Variants in CNTNAP2 observed in about 807,000 individuals in gnomAD.
CNTNAP2 encodes the protein contactin-associated protein-like 2.
CNTNAP2 carries 98 observed loss-of-function variants against 155.2 expected under a neutral mutation model. The observed-to-expected ratio is 0.63, with a 90% CI of 0.54 to 0.75. The LOEUF (loss-of-function observed/expected upper bound fraction) is 0.75, where lower values mean the gene tolerates loss of function less well. Among genes scored for constraint, CNTNAP2 ranks in the 30% least tolerant of loss-of-function variants. The probability of loss-of-function intolerance (pLI) is 0.00; values close to 1 mark genes in which losing one functional copy is unlikely to be tolerated. For synonymous variants in CNTNAP2, 651 were observed against 631.2 expected, an observed-to-expected ratio of 1.03 and a Z score of -0.47; for missense variants, 1,727 against 1,688.1, an observed-to-expected ratio of 1.02 and a Z score of -0.40.
chr7:147,095,773 C>A (rs1048086971), intron 4 of CNTNAP2, among the ~76,000 whole-genome samples: 17 of 152,038 alleles, frequency 1.1e-4, no homozygotes, highest in African/African-American at 4.1e-4. Context: ...AAACTGGATC[C>A]TGGTTTGCTT....
chr7:146,757,475 C>T (rs1802013230), intron 1 of CNTNAP2, among the ~76,000 whole-genome samples: 1 of 152,082 alleles, frequency 6.6e-6, no homozygotes, highest in South Asian at 2.1e-4. Context: ...AAGGAATAAG[C>T]TCACTTTTAA....
chr7:148,031,328 A>G (rs1802472868), intron 15 of CNTNAP2, among the ~76,000 whole-genome samples: 1 of 152,220 alleles, frequency 6.6e-6, no homozygotes, highest in African/African-American at 2.4e-5. Flanking sequence ...AGAAAAGAGA[A>G]GTCAAAGGCC....
chr7:146,398,826 T>C (rs1332569359), intron 1 of CNTNAP2, among the ~76,000 whole-genome samples: 1 of 152,022 alleles, frequency 6.6e-6, no homozygotes, highest in Non-Finnish European at 1.5e-5. Context: ...AGGGAGAGGC[T>C]GGAAATCAAT....
At chr7:146,928,422 T>G (rs1916947) in intron 3 of CNTNAP2, among the ~76,000 whole-genome samples, 35,746 of 152,204 alleles carry the variant, frequency 0.23, 5,379 homozygotes, top group Non-Finnish European at 0.32. Flanking sequence ...TATTTTATTT[T>G]AATGATAAAA....
At chr7:147,541,848 C>G (rs1203639260) in intron 11 of CNTNAP2, among the ~76,000 whole-genome samples, 4 of 152,140 alleles carry the variant, frequency 2.6e-5, no homozygotes. Context: ...ATGTGCCCCA[C>G]TTAATCATTA....
chr7:147,441,417 G>T (rs1797634161), intron 10 of CNTNAP2, among the ~76,000 whole-genome samples: 1 of 152,148 alleles, frequency 6.6e-6, no homozygotes, highest in South Asian at 2.1e-4. Context: ...TGAATTATCT[G>T]TCTGAAAGGT....
intron 8 of CNTNAP2, among the ~76,000 whole-genome samples, chr7:147,240,435 C>T (rs548056669): frequency 2.0e-5 from 3 of 152,350 alleles, no homozygotes; most frequent in East Asian, 3.9e-4. Flanking sequence ...GCTCACTACA[C>T]ATCTACATAA....
chr7:146,269,575 A>T (rs1028030140), intron 1 of CNTNAP2, among the ~76,000 whole-genome samples: 19 of 152,230 alleles, frequency 1.2e-4, no homozygotes, highest in African/African-American at 4.8e-5. Context: ...TTTATGTTGC[A>T]TAACTTATAG....
intron 13 of CNTNAP2, among the ~76,000 whole-genome samples, chr7:147,741,719 C>G (rs1209898679): frequency 6.6e-6 from 1 of 151,228 alleles, no homozygotes. Flanking sequence ...TAAAGCTACC[C>G]CCTCAAAAAA....
In CNTNAP2 at chr7:147,421,918, A is replaced by C. The variant is rs1797297170; in HGVS notation, c.1670+26138A>C. On this transcript the variant is annotated intron_variant, in intron 10 of 23. Transcript: ENST00000361727. Reference sequence around the variant, plus strand: ...TGCTCCCTCTTGGCCTTTTTCCATAAGTAAAGCTCCTTGAAACCTCCCCAG... The same window carrying C: ...TGCTCCCTCTTGGCCTTTTTCCATACGTAAAGCTCCTTGAAACCTCCCCAG... Among the ~76,000 whole-genome samples the C allele has an allele frequency of 2.0e-5, 3 of 151,962 alleles. 1 individual carries two copies. Among genetic ancestry groups the C allele is most frequent in the Middle Eastern group, 6.9e-3 (2 of 290 alleles).
At chr7:147,882,567 T>A (rs1012957260) in intron 13 of CNTNAP2, among the ~76,000 whole-genome samples, 2 of 152,180 alleles carry the variant, frequency 1.3e-5, no homozygotes, top group African/African-American at 4.8e-5. Flanking sequence ...GCTGGAGACA[T>A]AACTGCCGAC....
At chr7:147,768,688 A>G (rs1437518351) in intron 13 of CNTNAP2, among the ~76,000 whole-genome samples, 1 of 152,102 alleles carries the variant, frequency 6.6e-6, no homozygotes, top group Non-Finnish European at 1.5e-5. Context: ...GGTGTCACAG[A>G]AAACAACTGA....
chr7:148,216,417 G>A (rs1427739831), intron 18 of CNTNAP2, among the ~76,000 whole-genome samples: 4 of 152,174 alleles, frequency 2.6e-5, no homozygotes, highest in Admixed American at 2.6e-4. Context: ...TTTGAACCCA[G>A]TTCTCTCTAA....
At chr7:146,840,366 T>C (rs1803697356) in intron 3 of CNTNAP2, among the ~76,000 whole-genome samples, 1 of 152,224 alleles carries the variant, frequency 6.6e-6, no homozygotes, top group Non-Finnish European at 1.5e-5. Flanking sequence ...AGATCTATGT[T>C]CACTTTATTC....
chr7:146,598,603 C>T (rs1425611438), intron 1 of CNTNAP2, among the ~76,000 whole-genome samples: 1 of 152,028 alleles, frequency 6.6e-6, no homozygotes, highest in Non-Finnish European at 1.5e-5. Context: ...ACACAGTTGT[C>T]CTTTTTTTCT....
intron 10 of CNTNAP2, among the ~76,000 whole-genome samples, chr7:147,423,103 A>G (rs1345665910): frequency 6.6e-6 from 1 of 152,204 alleles, no homozygotes; most frequent in African/African-American, 2.4e-5. Context: ...ACCAGGCTCT[A>G]AGTGTCCTAT....
intron 9 of CNTNAP2, among the ~76,000 whole-genome samples, chr7:147,330,818 A>G (rs1400709951): frequency 6.6e-6 from 1 of 152,102 alleles, no homozygotes; most frequent in Admixed American, 6.6e-5. Flanking sequence ...AGGGATCGTT[A>G]TTTTCCCTAC....
At chr7:147,340,873 C>T (rs1399342823) in intron 9 of CNTNAP2, among the ~76,000 whole-genome samples, 1 of 151,938 alleles carries the variant, frequency 6.6e-6, no homozygotes, top group Non-Finnish European at 1.5e-5. Flanking sequence ...CAGAAATGAC[C>T]TCCTATCTAT....
At chr7:147,431,197 T>G (rs548020575) in intron 10 of CNTNAP2, among the ~76,000 whole-genome samples, 1 of 152,284 alleles carries the variant, frequency 6.6e-6, no homozygotes, top group East Asian at 1.9e-4. Flanking sequence ...TGTCAACCAC[T>G]TCTCATTTTT....
Sources: allele counts gnomAD v4.1 joint callset (sites outside exome capture counted in the v4.1 genomes callset), GRCh38; gene constraint gnomAD v4.1.1; transcripts MANE v1.5; gene names NCBI Gene and HGNC (gene_info 2026-07-23, HGNC 2026-07-21).